The following OR1J2 variants were observed in gnomAD, a reference collection of about 807,000 sequenced individuals.
OR1J2 encodes olfactory receptor family 1 subfamily J member 2, also known as olfactory receptor 1J2.
For synonymous variants in OR1J2, 142 were observed against 99.7 expected (o/e 1.42, Z -2.52); for missense variants, 304 against 246.1 (o/e 1.24, Z -1.57).
At chr9:122,467,794 C>T in the OR1J2 span, among the ~76,000 whole-genome samples, 1 of 152,214 alleles carries the variant, frequency 6.6e-6, no homozygotes, top group African/African-American at 2.4e-5. Context: ...TTCAGGAACT[C>T]TCTCTGAGTT....
chr9:122,487,370 C>T, the OR1J2 span, among the ~76,000 whole-genome samples: 1 of 151,644 alleles, frequency 6.6e-6, no homozygotes, highest in Non-Finnish European at 1.5e-5. Flanking sequence ...ATAATGATGT[C>T]CACCCTAAAT....
rs779576258 is a variant in OR1J2 at position 122,510,831 on chromosome 9, C to T, written c.30C>T (p.Ser10=). Reference sequence around the variant, plus strand: ...GCCCTGAGAACCAGAGCAGCGTGTCCGAGTTCCTCCTTCTGGGCCTCCCCA... The same window carrying T: ...GCCCTGAGAACCAGAGCAGCGTGTCTGAGTTCCTCCTTCTGGGCCTCCCCA... MSPENQSSV[S]EFLLLGLPIR... is the part of the protein sequence containing the mutation. Residue 10 remains serine (S), a synonymous_variant, in exon 1 of 1, where the codon TCC becomes TCT. Coordinates refer to ENST00000335302, the MANE Select transcript of OR1J2 (RefSeq NM_054107.1). 1.6e-5 allele frequency: 26 copies of T among 1,600,226 alleles called. No homozygotes were observed. In the South Asian group the frequency reaches 1.7e-4, roughly 10 times the overall value.
At chr9:122,460,165 A>ATGTGTGTGTGTG in the OR1J2 span, among the ~76,000 whole-genome samples, 1 of 117,040 alleles carries the variant, frequency 8.5e-6, no homozygotes, top group African/African-American at 3.4e-5. Flanking sequence ...TGGTATGTAT[A>ATGTGTGTGTGTG]TGTGTGTGTG....
the OR1J2 span, among the ~76,000 whole-genome samples, chr9:122,532,165 C>T: frequency 0.25 from 15,610 of 62,380 alleles, 3,557 homozygotes; most frequent in South Asian, 0.4. Context: ...CAGTCCTGGG[C>T]GGGAGCAAAT....
At chr9:122,504,900 C>G in the OR1J2 span, among the ~76,000 whole-genome samples, 7 of 152,260 alleles carry the variant, frequency 4.6e-5, no homozygotes, top group South Asian at 2.1e-4. Context: ...CACCAAGTGT[C>G]TGGCGTGTCC....
At chr9:122,556,468 T>C in the OR1J2 span, among the ~76,000 whole-genome samples, 1 of 152,098 alleles carries the variant, frequency 6.6e-6, no homozygotes, top group East Asian at 1.9e-4. Flanking sequence ...TGCCACACTA[T>C]CTTAATTACT....
chr9:122,486,397 T>G, the OR1J2 span, among the ~76,000 whole-genome samples: 1 of 152,202 alleles, frequency 6.6e-6, no homozygotes, highest in Non-Finnish European at 1.5e-5. Context: ...GACTATATTC[T>G]TCCCACTCTA....
the OR1J2 span, among the ~76,000 whole-genome samples, chr9:122,484,785 C>T: frequency 3.3e-5 from 5 of 152,096 alleles, no homozygotes; most frequent in Admixed American, 3.3e-4. Context: ...GTAATCCTAA[C>T]ACTTTGGGAG....
At chr9:122,567,414 G>A in the OR1J2 span, 4 of 618,034 alleles carry the variant, frequency 6.5e-6, no homozygotes, top group South Asian at 6.9e-5. Context: ...ATGGATGTAA[G>A]TGCCCACAAT....
At chr9:122,455,291 C>T in the OR1J2 span, among the ~76,000 whole-genome samples, 1 of 152,292 alleles carries the variant, frequency 6.6e-6, no homozygotes, top group African/African-American at 2.4e-5. Context: ...GAGGAATAAA[C>T]TATTGTCCAC....
chr9:122,579,615 GATATTAGTTGTGATGTTTAC>G, the OR1J2 span, among the ~76,000 whole-genome samples: 1 of 152,112 alleles, frequency 6.6e-6, no homozygotes, highest in Non-Finnish European at 1.5e-5. Flanking sequence ...TTTTTAATTA[GATATTAGTTGTGATGTTTAC>G]ATTTGAGACT....
chr9:122,577,703 ACT>A, the OR1J2 span, among the ~76,000 whole-genome samples: 1 of 152,352 alleles, frequency 6.6e-6, no homozygotes, highest in South Asian at 2.1e-4. Context: ...TATCACAATA[ACT>A]CTGTAGAGAA....
chr9:122,496,044 C>A, the OR1J2 span, among the ~76,000 whole-genome samples: 1 of 152,168 alleles, frequency 6.6e-6, no homozygotes, highest in Non-Finnish European at 1.5e-5. Context: ...GATCTGTCTT[C>A]AAGTCTTGCA....
At chr9:122,563,387 G>A in the OR1J2 span, among the ~76,000 whole-genome samples, 1 of 152,090 alleles carries the variant, frequency 6.6e-6, no homozygotes. Flanking sequence ...CCATAAGCTT[G>A]TTGACCATAT....
chr9:122,519,617 C>T, the OR1J2 span: 1 of 1,614,132 alleles, frequency 6.2e-7, no homozygotes, highest in Non-Finnish European at 8.5e-7. Flanking sequence ...CCCTGTCTCA[C>T]ACTCTCCTCC....
chr9:122,574,153 T>G, the OR1J2 span, among the ~76,000 whole-genome samples: 92 of 152,290 alleles, frequency 6.0e-4, no homozygotes, highest in African/African-American at 1.9e-3. Flanking sequence ...TCCTCCAGTT[T>G]GTTTTTCTCC....
the OR1J2 span, among the ~76,000 whole-genome samples, chr9:122,467,398 C>G: frequency 2.0e-5 from 3 of 152,064 alleles, no homozygotes; most frequent in Non-Finnish European, 4.4e-5. Flanking sequence ...TTCTTTTTCC[C>G]AAGAGGGGGA....
At chr9:122,541,118 G>T in the OR1J2 span, among the ~76,000 whole-genome samples, 1 of 152,112 alleles carries the variant, frequency 6.6e-6, no homozygotes, top group Non-Finnish European at 1.5e-5. Context: ...CAGCAGAGTT[G>T]AGTTTACTCT....
At chr9:122,560,530 A>G in the OR1J2 span, among the ~76,000 whole-genome samples, 10 of 152,294 alleles carry the variant, frequency 6.6e-5, 1 homozygote, top group African/African-American at 2.4e-4. Flanking sequence ...TGGTGGTGAC[A>G]AAATCCCTCA....
Sources: allele counts gnomAD v4.1 joint callset (sites outside exome capture counted in the v4.1 genomes callset), GRCh38; gene constraint gnomAD v4.1.1; transcripts MANE v1.5; gene names NCBI Gene and HGNC (gene_info 2026-07-23, HGNC 2026-07-21).